ZNF215: variants seen among roughly 807,000 people sequenced by gnomAD.
ZNF215 encodes the protein zinc finger protein 215, also known as BWSCR2-associated zinc finger protein 2.
Under a neutral mutation model 27.2 loss-of-function variants are expected in ZNF215, and 24 were observed. That is an observed-to-expected ratio of 0.88 (90% CI 0.64 to 1.24). The LOEUF (loss-of-function observed/expected upper bound fraction) is 1.24. Among genes scored for constraint, ZNF215 ranks in the 50% most tolerant of loss-of-function variants. The pLI, the probability that ZNF215 is intolerant of heterozygous loss-of-function variation, is 0.00. For missense variants in ZNF215, 675 were observed against 605.7 expected, an observed-to-expected ratio of 1.11 and a Z score of -1.20; for synonymous variants, 210 against 204.0, an observed-to-expected ratio of 1.03 and a Z score of -0.25.
At chr11:6,968,217 C>G (rs368799042) in intron 5 of ZNF215, among the ~76,000 whole-genome samples, 3 of 152,120 alleles carry the variant, frequency 2.0e-5, no homozygotes, top group East Asian at 3.9e-4. Context: ...GTCAGGTAGC[C>G]TGATGCCTCC....
At chr11:6,976,760 G>T (rs1315689893) in intron 5 of ZNF215, among the ~76,000 whole-genome samples, 1 of 152,008 alleles carries the variant, frequency 6.6e-6, no homozygotes, top group Non-Finnish European at 1.5e-5. Flanking sequence ...TGAAAAATCA[G>T]TATCTTGTTT....
In ZNF215 at chr11:6,941,434, G is replaced by T. The variant is rs950367340; in HGVS notation, c.401-137G>T. ...GGCCTGACCTTTGAAGATTGTGATTGCTGGCAGGGCCTGACATTATTTTTT... is the reference window on the plus strand; with the variant it reads ...GGCCTGACCTTTGAAGATTGTGATTTCTGGCAGGGCCTGACATTATTTTTT... On this transcript the variant is annotated intron_variant, in intron 3 of 6. Transcript: ENST00000278319. The T allele has an allele frequency of 6.1e-6, 4 of 654,310 alleles. No homozygotes were observed. The African/African-American group carries it at 7.3e-5, about 12-fold the overall frequency. 40.5% of individuals were successfully genotyped at this position (654,310 alleles called of 1,614,324 possible). A position where few individuals can be genotyped will look rare whatever the true frequency, so the allele number is the denominator to read the frequency against.
At chr11:6,927,280 T>A (rs1849086061) in intron 1 of ZNF215, among the ~76,000 whole-genome samples, 1 of 152,218 alleles carries the variant, frequency 6.6e-6, no homozygotes, top group African/African-American at 2.4e-5. Flanking sequence ...AAATAATTCT[T>A]TCTCCATTTA....
chr11:6,937,751 A>AT (rs151280254), intron 3 of ZNF215, among the ~76,000 whole-genome samples: 1,537 of 152,044 alleles, frequency 0.01, 12 homozygotes, highest in Middle Eastern at 0.02. Flanking sequence ...AAATGAGAAA[A>AT]TAATAGTTTT....
rs766202277 is a variant in ZNF215, at chr11:6,955,715, A to G, written c.738A>G (p.Glu246=). Residue 246 remains glutamate (E), a synonymous_variant, in exon 7 of 7, where the codon GAA becomes GAG. Transcript: ENST00000278319. ...IFDMKSISGE[E]SSHGVIMTRL... ...ACATGAAGAGTATTTCTGGAGAAGA[A>G]TCATCCCATGGAGTGATTATGACAA... 4.5e-6 allele frequency: 7 copies of G among 1,563,584 alleles called. No homozygotes were observed. In the Admixed American group the frequency reaches 1.3e-4, roughly 28 times the overall value.
Position 6,957,208 on chromosome 11 carries a change from TATA to T in ZNF215, c.*680_*682del. The T allele has an allele frequency of 1.0e-6, 1 of 982,998 alleles. No individual in the cohort carries two copies. Among genetic ancestry groups the T allele is most frequent in the Non-Finnish European group, 1.2e-6 (1 of 827,686 alleles). 60.9% of individuals were successfully genotyped at this position (982,998 alleles called of 1,614,324 possible). ...TCCTTGAAAAATGTTTTTGTTTTGTTATAATGTTATAATTGTTATGATGTTGAT... is the reference window on the plus strand; with the variant it reads ...TCCTTGAAAAATGTTTTTGTTTTGTTATGTTATAATTGTTATGATGTTGAT... On this transcript the variant is annotated 3_prime_UTR_variant, in exon 7 of 7. Transcript: ENST00000278319.
chr11:6,971,661 T>C (rs1850721464), intron 5 of ZNF215, among the ~76,000 whole-genome samples: 1 of 152,188 alleles, frequency 6.6e-6, no homozygotes, highest in Admixed American at 6.6e-5. Context: ...TAGATTTTTC[T>C]TTAAGAGGAG....
rs1849885424 is a variant in ZNF215 at position 6,948,022 on chromosome 11, T to C, written c.712+4381T>C. Among the ~76,000 whole-genome samples, 4 of 152,318 alleles carry C rather than the reference T, an allele frequency of 2.6e-5. No homozygotes were observed. In the Middle Eastern group the frequency reaches 0.01, roughly 389 times the overall value. ...AATCAGAAGATGTCACCTTAAAGAC[T>C]AGGTCTAGAAGTGGTATAGTGTCAC... On this transcript the variant is annotated intron_variant, in intron 6 of 6. Transcript: ENST00000278319.
chr11:6,963,524 CTCAT>C lies in ZNF215; in HGVS notation c.805+7750_805+7753del, dbSNP rs749917048. Among the ~76,000 whole-genome samples the C allele has an allele frequency of 7.2e-5, 11 of 152,086 alleles. No homozygotes were observed. In the South Asian group the frequency reaches 1.2e-3, roughly 17 times the overall value. On this transcript the variant is annotated intron_variant, in intron 5 of 5. Coordinates refer to the ZNF215 transcript ENST00000529903. ...TTGTTATTCATATATATAGGAATAA[CTCAT>C]TCATTCACCAGTTGAAAGACATTTG...
chr11:6,955,947 G>C lies in ZNF215; in HGVS notation c.970G>C (p.Gly324Arg). ...TAGCTCAATTTGTGCTATACAAGTG[G>C]GAATTCCTTCAAGAAAGGGGTCTCC... ...SVSSICAIQVGIPSRKGSPKC... is the reference protein window; with the variant it reads ...SVSSICAIQVRIPSRKGSPKC... The change falls in exon 7 of 7, where the codon GGA becomes CGA. Residue 324 changes from glycine to arginine, a missense_variant. By Grantham distance (125) the Gly-to-Arg change is moderately radical. Coordinates refer to ENST00000278319, the MANE Select transcript of ZNF215 (RefSeq NM_013250.4). 1.2e-6 allele frequency: 2 copies of C among 1,612,778 alleles called. No homozygotes were observed. Among genetic ancestry groups the C allele is most frequent in the Non-Finnish European group, 1.7e-6 (2 of 1,179,656 alleles).
intron 5 of ZNF215, among the ~76,000 whole-genome samples, chr11:6,972,089 G>A (rs1252271110): frequency 6.6e-6 from 1 of 152,062 alleles, no homozygotes; most frequent in Non-Finnish European, 1.5e-5. Context: ...AGAACCTTGA[G>A]ACTGCCTACT....
chr11:6,927,899 A>G (rs1442693034), intron 2 of ZNF215, 92 bp downstream of exon 2: 3 of 152,022 alleles, frequency 2.0e-5, no homozygotes, highest in Non-Finnish European at 2.9e-5. Flanking sequence ...TATTTAATGC[A>G]TCTCATTCTT....
chr11:6,956,758 C>T lies in ZNF215; in HGVS notation c.*227C>T, dbSNP rs1850376448. The T allele has an allele frequency of 1.5e-6, 2 of 1,329,846 alleles. No individual in the cohort carries two copies. The highest frequency in any genetic ancestry group is 1.9e-6 in the Non-Finnish European group (2 of 1,045,550). The allele number at this position is 1,329,846 out of a possible 1,614,324, so 82.4% of individuals were successfully genotyped here. On this transcript the variant is annotated 3_prime_UTR_variant, in exon 7 of 7. Coordinates refer to ENST00000278319, the MANE Select transcript of ZNF215 (RefSeq NM_013250.4). Reference sequence around the variant, plus strand: ...GAAGCCATAAGGCTTTGGAGTTAAACCACAGTATCACCATACAAGTATTTG... The same window carrying T: ...GAAGCCATAAGGCTTTGGAGTTAAATCACAGTATCACCATACAAGTATTTG...
At chr11:6,962,011 C>T (rs191215278), downstream of ZNF215, among the ~76,000 whole-genome samples, 93 of 152,194 alleles carry the variant, frequency 6.1e-4, no homozygotes, top group African/African-American at 2.2e-3. Flanking sequence ...TTGTTTTCCT[C>T]TGGGTCAGCA....
In ZNF215 at chr11:6,981,693, G is replaced by A. The variant is rs1183327989; in HGVS notation, c.806-2436G>A. Among the ~76,000 whole-genome samples, 3 of 152,188 alleles carry A rather than the reference G, an allele frequency of 2.0e-5. No homozygotes were observed. In the East Asian group the frequency reaches 5.8e-4, roughly 29 times the overall value. On this transcript the variant is annotated intron_variant, in intron 5 of 5. Coordinates refer to the ZNF215 transcript ENST00000529903. ...ACATGAAGTCCTTGCCCATGCCTATGTCTTGAATGGTAATGCCTAGGTTTT... is the reference window on the plus strand; with the variant it reads ...ACATGAAGTCCTTGCCCATGCCTATATCTTGAATGGTAATGCCTAGGTTTT...
At chr11:6,929,337 A>G (rs924999020) in intron 2 of ZNF215, among the ~76,000 whole-genome samples, 1 of 152,234 alleles carries the variant, frequency 6.6e-6, no homozygotes, top group African/African-American at 2.4e-5. Flanking sequence ...AACATTTTGT[A>G]TTAGTATAGA....
At chr11:6,954,304 GCTGT>G (rs1311596169) in intron 6 of ZNF215, among the ~76,000 whole-genome samples, 2 of 152,250 alleles carry the variant, frequency 1.3e-5, no homozygotes, top group African/African-American at 2.4e-5. Context: ...AGAGGTTACT[GCTGT>G]CTTTTTGTTT....
chr11:6,931,421 C>T (rs1042432490), intron 2 of ZNF215, among the ~76,000 whole-genome samples: 4 of 152,324 alleles, frequency 2.6e-5, no homozygotes, highest in Admixed American at 6.5e-5. Flanking sequence ...CTTCTGCTAG[C>T]AAGTTGTTTT....
At chr11:6,993,537 C>A (rs570488287), downstream of ZNF215, among the ~76,000 whole-genome samples, 1 of 152,068 alleles carries the variant, frequency 6.6e-6, no homozygotes, top group Non-Finnish European at 1.5e-5. Context: ...CTCTCACTTA[C>A]CCTTCCATGA....
Sources: allele counts gnomAD v4.1 joint callset (sites outside exome capture counted in the v4.1 genomes callset), GRCh38; gene constraint gnomAD v4.1.1; transcripts MANE v1.5; gene names NCBI Gene and HGNC (gene_info 2026-07-23, HGNC 2026-07-21).